Variants in NRAP observed in about 807,000 individuals in gnomAD.
The protein encoded by NRAP is nebulin-related-anchoring protein.
In NRAP, 189 loss-of-function variants were observed where a neutral mutation model predicts 225.9. The observed-to-expected ratio is 0.84, with a 90% CI of 0.74 to 0.94. NRAP has a LOEUF of 0.94. NRAP is among the 40% of genes least tolerant of loss of function. The pLI, the probability that NRAP is intolerant of heterozygous loss-of-function variation, is 0.00. For synonymous variants in NRAP, 769 were observed against 790.7 expected, an observed-to-expected ratio of 0.97 and a Z score of 0.46; for missense variants, 2,176 against 2,168.7, an observed-to-expected ratio of 1.00 and a Z score of -0.07.
intron 14 of NRAP, among the ~76,000 whole-genome samples, chr10:113,639,878 AAACCTTTTTTT>A (rs1849098156): frequency 6.6e-6 from 1 of 152,206 alleles, no homozygotes; most frequent in Admixed American, 6.5e-5. Context: ...ACTACATAAC[AAACCTTTTTTT>A]AAAGAAAGAA....
intron 23 of NRAP, among the ~76,000 whole-genome samples, chr10:113,622,620 A>C (rs1391542868): frequency 6.6e-6 from 1 of 152,220 alleles, no homozygotes; most frequent in Non-Finnish European, 1.5e-5. Context: ...AAAAGCTGTG[A>C]AAACTGTCAG....
chr10:113,590,491 G>A, intron 40 of NRAP, 87 bp downstream of exon 40: 2 of 1,337,942 alleles, frequency 1.5e-6, no homozygotes, highest in Non-Finnish European at 1.0e-6. Flanking sequence ...TCCCCCAGAA[G>A]CTAACAATGG....
At chr10:113,591,759 T>C (rs1846008054) in intron 39 of NRAP, among the ~76,000 whole-genome samples, 1 of 152,226 alleles carries the variant, frequency 6.6e-6, no homozygotes, top group African/African-American at 2.4e-5. Context: ...GTTCAGAGAA[T>C]TTGAGCAACT....
At chr10:113,604,260 G>T (rs1846789138) in intron 35 of NRAP, among the ~76,000 whole-genome samples, 1 of 152,104 alleles carries the variant, frequency 6.6e-6, no homozygotes, top group Non-Finnish European at 1.5e-5. Context: ...GGGACTACAG[G>T]TGCATGCCAC....
intron 29 of NRAP, among the ~76,000 whole-genome samples, chr10:113,613,210 A>C (rs916408408): frequency 6.6e-6 from 1 of 152,100 alleles, no homozygotes; most frequent in Non-Finnish European, 1.5e-5. Flanking sequence ...AGGACAGTTC[A>C]TATCCAACCT....
At chr10:113,618,605 T>C (rs10885480) in intron 25 of NRAP, among the ~76,000 whole-genome samples, 35,395 of 152,250 alleles carry the variant, frequency 0.23, 4,730 homozygotes, top group East Asian at 0.4. Context: ...GGTGTGCGTG[T>C]GCATTTGTGG....
At chr10:113,657,656 G>A (rs1850390075) in intron 3 of NRAP, 82 bp from the exon 4 acceptor site, 1 of 837,698 alleles carries the variant, frequency 1.2e-6, no homozygotes, top group Admixed American at 2.1e-5. Flanking sequence ...GCTAAAATTG[G>A]GGGATTTTGC....
In NRAP at chr10:113,612,341, T is replaced by C; in HGVS notation, c.3391A>G (p.Thr1131Ala). Residue 1131 changes from threonine to alanine, a missense_variant, in exon 30 of 42, where the codon ACC becomes GCC. This residue lies in a region of NRAP where 1,708 missense variants were observed against 1,695.5 expected (regional missense o/e 1.01). Coordinates refer to ENST00000359988, the MANE Select transcript of NRAP (RefSeq NM_198060.4). ...AALVHAKKAQ[T>A]LASNQDYKHP... is the part of the protein sequence containing the mutation. ...TTGTAGTCCTGATTGCTGGCCAGGG[T>C]CTGAGCCTTCTTGGCATGCACCAGG... The C allele has an allele frequency of 6.2e-7, 1 of 1,614,160 alleles. No individual in the cohort carries two copies. The highest frequency in any genetic ancestry group is 1.7e-4 in the Middle Eastern group (1 of 6,060).
Position 113,620,644 on chromosome 10 carries a change from T to C in NRAP, c.2834A>G (p.Asn945Ser), listed in dbSNP as rs1847929271. ...TCCTGCCTTCTTCGCCTGCTCCACA[T>C]TTAATGACCCGGTGGCGACCCAGCC... ...GMGWVATGSL[N>S]VEQAKKAGEL... Residue 945 changes from asparagine to serine, a missense_variant, in exon 25 of 42, where the codon AAT becomes AGT. Around this residue, in one of 3 missense-constraint regions of NRAP, gnomAD observed 1,708 missense variants for 1,695.5 expected, o/e 1.01. Transcript: ENST00000359988. 2.5e-6 allele frequency: 4 copies of C among 1,613,826 alleles called. No individual in the cohort carries two copies. Among genetic ancestry groups the C allele is most frequent in the Admixed American group, 3.3e-5 (2 of 60,016 alleles).
At chr10:113,639,069 G>A (rs1849043164) in intron 14 of NRAP, among the ~76,000 whole-genome samples, 1 of 132,776 alleles carries the variant, frequency 7.5e-6, no homozygotes, top group Non-Finnish European at 1.6e-5. Flanking sequence ...TGATCTGCAA[G>A]TTTCCCAGGT....
At chr10:113,594,540 G>A (rs1172348019) in intron 38 of NRAP, among the ~76,000 whole-genome samples, 3 of 152,208 alleles carry the variant, frequency 2.0e-5, no homozygotes, top group Non-Finnish European at 4.4e-5. Flanking sequence ...CATCCTTGAA[G>A]CATTAATGAG....
chr10:113,605,833 G>T lies in NRAP; in HGVS notation c.3844C>A (p.Gln1282Lys). ...GCTTCTATTGTCAGCTTGTAGCCTT[G>T]AGCACGAAGATTACGCCAGGACTCT... is the stretch of plus-strand genomic sequence containing the variant. Reference protein sequence around the residue: ...YKESWRNLRAQGYKLTIEALP... With the variant: ...YKESWRNLRAKGYKLTIEALP... The change falls in exon 34 of 42, where the codon CAA becomes AAA. Residue 1282 changes from glutamine to lysine, a missense_variant. Physicochemically the swap from Gln to Lys is moderately conservative, Grantham distance 53. This residue lies in a region of NRAP where 1,708 missense variants were observed against 1,695.5 expected (regional missense o/e 1.01). Transcript: ENST00000359988. 1 of 1,614,102 alleles carries T rather than the reference G, an allele frequency of 6.2e-7. No individual in the cohort carries two copies. Among genetic ancestry groups the T allele is most frequent in the South Asian group, 1.1e-5 (1 of 91,066 alleles).
rs1848202214 is a variant in NRAP at position 113,624,923 on chromosome 10, T to C, written c.2252A>G (p.Tyr751Cys). ...KSQELQSGVAYKAGNEQSVHQ... is the reference protein window; with the variant it reads ...KSQELQSGVACKAGNEQSVHQ... ...GACAGACTGCTCATTTCCTGCCTTG[T>C]AGGCCACCTGTTGGGAAAGAGCACT... Residue 751 changes from tyrosine to cysteine, a missense_variant, in exon 22 of 42, where the codon TAC becomes TGC. Coordinates refer to ENST00000359988, the MANE Select transcript of NRAP (RefSeq NM_198060.4). 1.2e-6 allele frequency: 2 copies of C among 1,612,002 alleles called. No individual in the cohort carries two copies. Among genetic ancestry groups the C allele is most frequent in the East Asian group, 2.2e-5 (1 of 44,878 alleles).
At chr10:113,596,590 C>T (rs1846295517) in intron 37 of NRAP, among the ~76,000 whole-genome samples, 1 of 152,090 alleles carries the variant, frequency 6.6e-6, no homozygotes, top group South Asian at 2.1e-4. Context: ...TACAGCTGTT[C>T]CTATTTTTTT....
chr10:113,651,784 G>T lies in NRAP; in HGVS notation c.675+19C>A, dbSNP rs781021920. The T allele has an allele frequency of 4.9e-5, 73 of 1,500,094 alleles. No individual in the cohort carries two copies. Among genetic ancestry groups the T allele is most frequent in the Non-Finnish European group, 1.2e-5 (13 of 1,077,152 alleles). 92.9% of individuals were successfully genotyped at this position (1,500,094 alleles called of 1,614,324 possible). A position where few individuals can be genotyped will look rare whatever the true frequency, so the allele number is the denominator to read the frequency against. Reference sequence around the variant, plus strand: ...CCCAAATGCCCATCAGTGATGGACTGGCCTCCCTCCTTTCTTACATCACTT... The same window carrying T: ...CCCAAATGCCCATCAGTGATGGACTTGCCTCCCTCCTTTCTTACATCACTT... On this transcript the variant is annotated intron_variant, in intron 7 of 41. Coordinates refer to ENST00000359988, the MANE Select transcript of NRAP (RefSeq NM_198060.4).
chr10:113,639,091 C>CAAA (rs60509891), intron 14 of NRAP, among the ~76,000 whole-genome samples: 18 of 115,800 alleles, frequency 1.6e-4, no homozygotes, highest in South Asian at 2.7e-4. Context: ...ATGTATATAG[C>CAAA]AAAAAAAAAA....
Position 113,643,012 on chromosome 10 carries a change from A to G in NRAP, c.1137T>C (p.Ser379=). 6.3e-7 allele frequency: 1 copy of G among 1,591,926 alleles called. No individual in the cohort carries two copies. The highest frequency in any genetic ancestry group is 8.6e-7 in the Non-Finnish European group (1 of 1,159,854). Residue 379 remains serine, a synonymous_variant, in exon 12 of 42, where the codon AGT becomes AGC. Coordinates refer to ENST00000359988, the MANE Select transcript of NRAP (RefSeq NM_198060.4). ...SEVEYKKDLE[S]SRGHSINYCE... is the part of the protein sequence containing the mutation. ...AGTAGTTGATACTGTGACCTCTACTACTTTCCAGATCCTTCTTATACTCCA... is the reference window on the plus strand; with the variant it reads ...AGTAGTTGATACTGTGACCTCTACTGCTTTCCAGATCCTTCTTATACTCCA...
Position 113,627,485 on chromosome 10 carries a change from C to T in NRAP, c.2146-1340G>A, listed in dbSNP as rs1027646912. Among the ~76,000 whole-genome samples, 3 of 152,208 alleles carry T rather than the reference C, an allele frequency of 2.0e-5. No individual in the cohort carries two copies. The East Asian group carries it at 5.8e-4, about 29-fold the overall frequency. Reference sequence around the variant, plus strand: ...GGACCAACTGGCTGCATTCTCTCCCCTCTGCTACACCCCTGTCCAAGACAG... The same window carrying T: ...GGACCAACTGGCTGCATTCTCTCCCTTCTGCTACACCCCTGTCCAAGACAG... On this transcript the variant is annotated intron_variant, in intron 20 of 41. Transcript: ENST00000359988.
intron 14 of NRAP, among the ~76,000 whole-genome samples, chr10:113,639,281 T>C (rs1375945062): frequency 6.6e-6 from 1 of 152,132 alleles, no homozygotes; most frequent in Non-Finnish European, 1.5e-5. Context: ...TCAATAAATA[T>C]CATTTGCCAA....
Sources: gnomAD v4.1 joint callset for allele counts (sites outside exome capture counted in the v4.1 genomes callset) on GRCh38, gnomAD v4.1.1 for gene constraint, gnomAD v4.1.1 regional missense constraint, MANE v1.5 for transcripts, NCBI Gene and HGNC (gene_info 2026-07-23, HGNC 2026-07-21) for gene names.